Variants in PPARD observed in about 807,000 individuals in gnomAD.
The protein encoded by PPARD is peroxisome proliferator-activated receptor delta.
In PPARD, 6 loss-of-function variants were observed where a neutral mutation model predicts 39.5. The observed-to-expected ratio is 0.15, with a 90% CI of 0.08 to 0.30. The LOEUF is 0.30. Ranked by LOEUF, PPARD falls within the 10% of genes least tolerant of loss-of-function variation. The pLI, the probability that PPARD is intolerant of heterozygous loss-of-function variation, is 1.00. For missense variants in PPARD, 397 were observed against 596.8 expected (o/e 0.67, Z 3.49); for synonymous variants, 210 against 231.3 (o/e 0.91, Z 0.83).
intron 2 of PPARD, among the ~76,000 whole-genome samples, chr6:35,410,592 G>C (rs995399654): frequency 1.3e-5 from 2 of 152,202 alleles, no homozygotes; most frequent in Non-Finnish European, 2.9e-5. Context: ...GGACAGGGTC[G>C]GGGATGGGAG....
intron 2 of PPARD, among the ~76,000 whole-genome samples, chr6:35,389,878 C>G (rs1438641689): frequency 1.3e-5 from 2 of 152,226 alleles, no homozygotes; most frequent in Non-Finnish European, 2.9e-5. Flanking sequence ...CCCTCTCTCA[C>G]TGTGTCATTT....
intron 2 of PPARD, among the ~76,000 whole-genome samples, chr6:35,369,375 A>G (rs973141166): frequency 6.6e-6 from 1 of 152,234 alleles, no homozygotes; most frequent in Non-Finnish European, 1.5e-5. Context: ...GAGTTGTACA[A>G]CCATCACCAC....
At chr6:35,383,191 G>A (rs1007736374) in intron 2 of PPARD, among the ~76,000 whole-genome samples, 5 of 152,234 alleles carry the variant, frequency 3.3e-5, no homozygotes, top group Admixed American at 1.3e-4. Flanking sequence ...TGGTGCTGGA[G>A]TTCAGCCTGT....
At chr6:35,407,132 C>T (rs1373567733) in intron 2 of PPARD, among the ~76,000 whole-genome samples, 6 of 152,184 alleles carry the variant, frequency 3.9e-5, no homozygotes, top group African/African-American at 1.2e-4. Context: ...TCACCAGAGG[C>T]TCAGATGCTG....
intron 1 of PPARD, among the ~76,000 whole-genome samples, chr6:35,342,957 C>T (rs919443205): frequency 2.8e-4 from 42 of 152,092 alleles, no homozygotes; most frequent in African/African-American, 9.2e-4. Context: ...TACGGGCCTC[C>T]TTCCACCCTA....
chr6:35,407,376 C>T (rs1765122574), intron 2 of PPARD, among the ~76,000 whole-genome samples: 1 of 152,002 alleles, frequency 6.6e-6, no homozygotes, highest in Admixed American at 6.6e-5. Context: ...CTGTGGCTCT[C>T]GGGGGTCCCA....
intron 3 of PPARD, among the ~76,000 whole-genome samples, chr6:35,413,162 A>G (rs1198986876): frequency 1.3e-5 from 2 of 152,204 alleles, no homozygotes; most frequent in Non-Finnish European, 2.9e-5. Flanking sequence ...CCCAAATAGC[A>G]TCACTGTTCC....
Position 35,426,489 on chromosome 6 carries a change from T to G in PPARD, c.*410T>G. ...AGGACCTCTGCTTTTGCACACCTTT[T>G]CCCCAGGAGCAGAAGAGAGTGGGGC... is the stretch of plus-strand genomic sequence containing the variant. On this transcript the variant is annotated 3_prime_UTR_variant, in exon 8 of 8. Coordinates refer to ENST00000360694, the MANE Select transcript of PPARD (RefSeq NM_006238.5). The G allele has an allele frequency of 5.2e-6, 1 of 190,842 alleles. No homozygotes were observed. Among genetic ancestry groups the G allele is most frequent in the Non-Finnish European group, 1.1e-5 (1 of 92,188 alleles). The allele number at this position is 190,842 out of a possible 1,614,324, so 11.8% of individuals were successfully genotyped here.
rs1766687902 is a variant in PPARD at position 35,427,932 on chromosome 6, G to T, written c.*1853G>T. 6.6e-6 allele frequency: 1 copy of T among 152,662 alleles called. No individual in the cohort carries two copies. Among genetic ancestry groups the T allele is most frequent in the Non-Finnish European group, 1.5e-5 (1 of 68,094 alleles). 9.5% of individuals were successfully genotyped at this position (152,662 alleles called of 1,614,324 possible). On this transcript the variant is annotated 3_prime_UTR_variant, in exon 8 of 8. Transcript: ENST00000360694. The stretch of plus-strand genomic sequence containing the variant: ...CACCTACCCAGCTGATGGGGGTTGG[G>T]GTGCTTCCTTTCAGGCCAAGGCTAT...
rs976534225 is a variant in PPARD, at chr6:35,420,025, A to C, written c.131-102A>C. The C allele has an allele frequency of 2.2e-6, 3 of 1,390,350 alleles. No individual in the cohort carries two copies. The African/African-American group carries it at 4.4e-5, about 20-fold the overall frequency. The allele number at this position is 1,390,350 out of a possible 1,614,324, so 86.1% of individuals were successfully genotyped here. On this transcript the variant is annotated intron_variant, in intron 3 of 7. Transcript: ENST00000360694. ...AGAAAGGTTGACTCCCTGAGGCCACACAGCTGTTAAGTGGCTGAGGCGAGG... is the reference window on the plus strand; with the variant it reads ...AGAAAGGTTGACTCCCTGAGGCCACCCAGCTGTTAAGTGGCTGAGGCGAGG...
chr6:35,384,901 G>T (rs1458405174), intron 2 of PPARD, among the ~76,000 whole-genome samples: 1 of 127,426 alleles, frequency 7.8e-6, no homozygotes, highest in Non-Finnish European at 1.6e-5. Context: ...CTGCCTGGCC[G>T]CCCCTACTGG....
chr6:35,356,720 G>A (rs1454033904), intron 2 of PPARD, among the ~76,000 whole-genome samples: 3 of 152,248 alleles, frequency 2.0e-5, no homozygotes, highest in Non-Finnish European at 2.9e-5. Flanking sequence ...AAATGTCTGC[G>A]GACATTGCCA....
intron 2 of PPARD, among the ~76,000 whole-genome samples, chr6:35,358,100 G>A (rs1012578302): frequency 6.6e-6 from 1 of 152,036 alleles, no homozygotes; most frequent in African/African-American, 2.4e-5. Context: ...TTGAGATGAG[G>A]GGATTATCCT....
chr6:35,393,304 A>C (rs1289089829), intron 2 of PPARD, among the ~76,000 whole-genome samples: 1 of 152,232 alleles, frequency 6.6e-6, no homozygotes, highest in African/African-American at 2.4e-5. Context: ...ACTCCCGGTC[A>C]TCACTGCTTG....
chr6:35,359,257 A>G (rs2150482731), intron 2 of PPARD, among the ~76,000 whole-genome samples: 1 of 152,150 alleles, frequency 6.6e-6, no homozygotes, highest in South Asian at 2.1e-4. Context: ...TTTGCTTGGC[A>G]TTTTGCCCCT....
intron 2 of PPARD, among the ~76,000 whole-genome samples, chr6:35,354,105 G>A (rs956498597): frequency 2.2e-4 from 33 of 151,484 alleles, no homozygotes; most frequent in African/African-American, 6.3e-4. Context: ...GGTGGTGGGC[G>A]CCTGTAGTCC....
chr6:35,351,861 C>CTTTTTTTTTT (rs774957372), intron 2 of PPARD, among the ~76,000 whole-genome samples: 1 of 87,364 alleles, frequency 1.1e-5, no homozygotes, highest in Non-Finnish European at 2.1e-5. Context: ...CACACCCAGC[C>CTTTTTTTTTT]TTTTTTTTTT....
chr6:35,395,508 C>T (rs1764261323), intron 2 of PPARD, among the ~76,000 whole-genome samples: 1 of 152,134 alleles, frequency 6.6e-6, no homozygotes, highest in South Asian at 2.1e-4. Flanking sequence ...TTAGGAGCCA[C>T]ACATCAAGAG....
intron 1 of PPARD, 42 bp downstream of exon 1, chr6:35,342,723 G>A (rs1002143959): frequency 1.3e-5 from 2 of 152,464 alleles, no homozygotes; most frequent in Non-Finnish European, 2.9e-5. Flanking sequence ...AGTGGCGGAG[G>A]GAAGCGCCGG....
Sources: gnomAD v4.1 joint callset for allele counts (sites outside exome capture counted in the v4.1 genomes callset) on GRCh38, gnomAD v4.1.1 for gene constraint, MANE v1.5 for transcripts, NCBI Gene and HGNC (gene_info 2026-07-23, HGNC 2026-07-21) for gene names.